The following MACROD2 variants were observed in gnomAD, a reference collection of about 807,000 sequenced individuals.
MACROD2 encodes the protein ADP-ribose glycohydrolase MACROD2.
MACROD2 carries 36 observed loss-of-function variants against 70.4 expected under a neutral mutation model. That is an observed-to-expected ratio of 0.51 (90% confidence interval 0.39 to 0.68). MACROD2 has a LOEUF of 0.68. Among genes scored for constraint, MACROD2 ranks in the 30% least tolerant of loss-of-function variants. The pLI, the probability that MACROD2 is intolerant of heterozygous loss-of-function variation, is 0.00. For missense variants in MACROD2, 496 were observed against 538.4 expected (o/e 0.92, Z 0.78); for synonymous variants, 172 against 178.8 (o/e 0.96, Z 0.30).
At chr20:14,649,961 G>GTA (rs1157441921) in intron 4 of MACROD2, among the ~76,000 whole-genome samples, 2 of 152,152 alleles carry the variant, frequency 1.3e-5, no homozygotes, top group Non-Finnish European at 1.5e-5. Context: ...TGTTTTTGCA[G>GTA]TAAGTCTGAA....
intron 3 of MACROD2, among the ~76,000 whole-genome samples, chr20:14,463,123 G>A (rs1295919015): frequency 1.3e-5 from 2 of 152,124 alleles, no homozygotes; most frequent in South Asian, 2.1e-4. Flanking sequence ...AATTACCTTG[G>A]GCAGTATGGC....
chr20:15,234,416 G>C (rs148818185), intron 6 of MACROD2, among the ~76,000 whole-genome samples: 1,579 of 151,982 alleles, frequency 0.01, 11 homozygotes, highest in South Asian at 0.017. Flanking sequence ...ATAATTAGCA[G>C]TACAAACTGG....
chr20:14,286,738 G>T (rs965367180), intron 3 of MACROD2, among the ~76,000 whole-genome samples: 2 of 152,028 alleles, frequency 1.3e-5, no homozygotes, highest in African/African-American at 4.8e-5. Flanking sequence ...GTATGGTCTT[G>T]TAAAAGCTTT....
intron 3 of MACROD2, among the ~76,000 whole-genome samples, chr20:14,240,566 A>T (rs138467084): frequency 1.4e-3 from 212 of 152,308 alleles, no homozygotes; most frequent in Non-Finnish European, 1.9e-3. Context: ...GGAGTTCAGT[A>T]TCCTAAGCAA....
At chr20:15,624,534 G>A (rs562909394) in intron 8 of MACROD2, among the ~76,000 whole-genome samples, 11 of 152,158 alleles carry the variant, frequency 7.2e-5, no homozygotes, top group Non-Finnish European at 1.5e-4. Flanking sequence ...TATATTATGT[G>A]CAGACCGGGG....
chr20:15,451,973 A>G (rs534614926), intron 7 of MACROD2, among the ~76,000 whole-genome samples: 257 of 152,222 alleles, frequency 1.7e-3, no homozygotes, highest in African/African-American at 6.0e-3. Flanking sequence ...CCGTGGCCCA[A>G]CAGAATCCTG....
At chr20:15,444,072 G>A (rs770175968) in intron 7 of MACROD2, among the ~76,000 whole-genome samples, 5 of 152,082 alleles carry the variant, frequency 3.3e-5, no homozygotes, top group African/African-American at 9.7e-5. Flanking sequence ...CTGTCACTCC[G>A]TCCCCTCTCT....
intron 3 of MACROD2, among the ~76,000 whole-genome samples, chr20:14,249,135 T>C (rs2081990465): frequency 2.0e-5 from 3 of 149,216 alleles, no homozygotes; most frequent in African/African-American, 2.5e-5. Context: ...AAGGTTTTTT[T>C]TTTTTTTTTT....
At chr20:15,880,876 T>C (rs1401343881) in intron 9 of MACROD2, among the ~76,000 whole-genome samples, 2 of 152,062 alleles carry the variant, frequency 1.3e-5, no homozygotes, top group Non-Finnish European at 2.9e-5. Context: ...CCTTTCTTTT[T>C]CCCTACATAA....
intron 12 of MACROD2, among the ~76,000 whole-genome samples, chr20:15,958,452 A>C (rs1482254117): frequency 6.6e-6 from 1 of 152,176 alleles, no homozygotes; most frequent in Non-Finnish European, 1.5e-5. Flanking sequence ...AAACACTGAC[A>C]ATGTGGTGTA....
At chr20:15,263,825 T>C (rs1249817809) in intron 6 of MACROD2, among the ~76,000 whole-genome samples, 2 of 152,172 alleles carry the variant, frequency 1.3e-5, no homozygotes, top group African/African-American at 2.4e-5. Flanking sequence ...TTGATTTCTT[T>C]TTTGGATTGT....
At chr20:15,922,713 C>T (rs1022121796) in intron 10 of MACROD2, among the ~76,000 whole-genome samples, 1 of 152,220 alleles carries the variant, frequency 6.6e-6, no homozygotes, top group Non-Finnish European at 1.5e-5. Flanking sequence ...TCCCTGCTTC[C>T]TCCAGCACAA....
intron 5 of MACROD2, among the ~76,000 whole-genome samples, chr20:15,085,103 C>T (rs1336699360): frequency 1.3e-5 from 2 of 152,108 alleles, no homozygotes; most frequent in African/African-American, 4.8e-5. Flanking sequence ...TAAATCCTCA[C>T]ATAATGGTCC....
intron 5 of MACROD2, among the ~76,000 whole-genome samples, chr20:14,907,243 A>T (rs2122575877): frequency 6.6e-6 from 1 of 152,338 alleles, no homozygotes; most frequent in Admixed American, 6.5e-5. Context: ...GAAAGTAGGT[A>T]TGAATGAGTG....
At chr20:14,044,401 C>CAGA (rs1491524941) in intron 2 of MACROD2, among the ~76,000 whole-genome samples, 2 of 152,202 alleles carry the variant, frequency 1.3e-5, no homozygotes, top group African/African-American at 4.8e-5. Context: ...ACAAAGCTTC[C>CAGA]ACAGTGTGGA....
intron 3 of MACROD2, among the ~76,000 whole-genome samples, chr20:14,445,954 G>A (rs1378835659): frequency 6.6e-6 from 1 of 152,114 alleles, no homozygotes; most frequent in Non-Finnish European, 1.5e-5. Flanking sequence ...GAGGGAAAGA[G>A]TATAGAATAT....
intron 5 of MACROD2, among the ~76,000 whole-genome samples, chr20:15,048,413 G>C (rs1486220084): frequency 1.3e-5 from 2 of 151,276 alleles, no homozygotes; most frequent in African/African-American, 4.9e-5. Flanking sequence ...CTCTTTGACT[G>C]TTTCATCTCA....
At position 16,018,660 on chromosome 20, in the gene MACROD2, T is replaced by G. The variant is rs964530373; in HGVS notation, c.1154-22541T>G. ...TATTGACCCTAATATTACATCTGGA[T>G]TCCTTTCTTTTTTTCTTTAATCATC... On this transcript the variant is annotated intron_variant, in intron 15 of 17. Coordinates refer to ENST00000684519, the MANE Select transcript of MACROD2 (RefSeq NM_001351661.2). Among the ~76,000 whole-genome samples, 6 of 152,188 alleles carry G rather than the reference T, an allele frequency of 3.9e-5. No homozygotes were observed. In the East Asian group the frequency reaches 1.2e-3, roughly 29 times the overall value.
intron 5 of MACROD2, among the ~76,000 whole-genome samples, chr20:15,146,398 TTCTTG>T (rs1360535531): frequency 6.6e-6 from 1 of 152,178 alleles, no homozygotes; most frequent in Non-Finnish European, 1.5e-5. Context: ...GGGCCTTGTT[TTCTTG>T]TCTTAATTCT....
Sources: gnomAD v4.1 joint callset for allele counts (sites outside exome capture counted in the v4.1 genomes callset) on GRCh38, gnomAD v4.1.1 for gene constraint, MANE v1.5 for transcripts, NCBI Gene and HGNC (gene_info 2026-07-23, HGNC 2026-07-21) for gene names.